SCARF1: variants seen among roughly 807,000 people sequenced by gnomAD.
SCARF1 encodes the protein scavenger receptor class F member 1, also known as acetyl LDL receptor.
A neutral mutation model predicts 76.3 loss-of-function variants in SCARF1; 49 were observed. The ratio of observed to expected loss-of-function variants is 0.64; its 90% confidence interval spans 0.51 to 0.81. The LOEUF is 0.81. SCARF1 is among the 40% of genes least tolerant of loss of function. The probability of loss-of-function intolerance (pLI) is 0.00; values close to 1 mark genes in which losing one functional copy is unlikely to be tolerated. For missense variants in SCARF1, 1,098 were observed against 1,143.9 expected, an observed-to-expected ratio of 0.96 and a Z score of 0.58; for synonymous variants, 495 against 474.6, an observed-to-expected ratio of 1.04 and a Z score of -0.56.
chr17:1,639,716 A>T lies in SCARF1; in HGVS notation c.1166T>A (p.Phe389Tyr), dbSNP rs748983281. The T allele has an allele frequency of 5.6e-6, 9 of 1,597,292 alleles. No homozygotes were observed. The highest frequency in any genetic ancestry group is 7.7e-6 in the Non-Finnish European group (9 of 1,172,438). Residue 389 changes from phenylalanine (F) to tyrosine (Y), a missense_variant, in exon 7 of 11, where the codon TTC becomes TAC. By Grantham distance (22) the Phe-to-Tyr change is conservative. Transcript: ENST00000263071. ...AGGAACTGAGCAGTTGTTTCCATGGAAACCGGCTGGGCAGGAGGCGTTGCA... is the reference window on the plus strand; with the variant it reads ...AGGAACTGAGCAGTTGTTTCCATGGTAACCGGCTGGGCAGGAGGCGTTGCA... ...PSCNASCPAG[F>Y]HGNNCSVPCE...
chr17:1,643,563 C>G lies in SCARF1; in HGVS notation c.670G>C (p.Glu224Gln), dbSNP rs1383052199. The change falls in exon 4 of 11, where the codon GAG becomes CAG. Residue 224 changes from glutamate to glutamine, a missense_variant. Transcript: ENST00000263071. ...GCGCTGCAGCGGCCCCGCACACACT[C>G]GCACTGCTGCTGGCATTCGGGACCC... Reference protein sequence around the residue: ...WWGPECQQQCECVRGRCSAAS... With the variant: ...WWGPECQQQCQCVRGRCSAAS... 3 of 1,472,150 alleles carry G rather than the reference C, an allele frequency of 2.0e-6. No homozygotes were observed. The highest frequency in any genetic ancestry group is 4.8e-5 in the Admixed American group (2 of 41,696). The allele number at this position is 1,472,150 out of a possible 1,614,324, so 91.2% of individuals were successfully genotyped here. A position where few individuals can be genotyped will look rare whatever the true frequency, so the allele number is the denominator to read the frequency against.
At position 1,645,346 on chromosome 17, in the gene SCARF1, C is replaced by T. The variant is rs986162307; in HGVS notation, c.102-107G>A. Reference sequence around the variant, plus strand: ...CAGTGGGGGAGGCTGCCTTAGCCCCCTGGGGAGGCCTAATGGATCTTTACA... The same window carrying T: ...CAGTGGGGGAGGCTGCCTTAGCCCCTTGGGGAGGCCTAATGGATCTTTACA... On this transcript the variant is annotated intron_variant, in intron 1 of 10. Transcript: ENST00000263071. This position sits in a 1 kb window ranked among gnomAD's most constrained non-coding sequence, Gnocchi z 6.3. 1.7e-5 allele frequency: 25 copies of T among 1,455,744 alleles called. No individual in the cohort carries two copies. The highest frequency in any genetic ancestry group is 3.6e-5 in the South Asian group (3 of 82,218). 90.2% of individuals were successfully genotyped at this position (1,455,744 alleles called of 1,614,324 possible).
chr17:1,643,519 G>T lies in SCARF1; in HGVS notation c.714C>A (p.Thr238=). 1 of 1,382,664 alleles carries T rather than the reference G, an allele frequency of 7.2e-7. No individual in the cohort carries two copies. The highest frequency in any genetic ancestry group is 9.3e-7 in the Non-Finnish European group (1 of 1,072,610). 85.6% of individuals were successfully genotyped at this position (1,382,664 alleles called of 1,614,324 possible). A position where few individuals can be genotyped will look rare whatever the true frequency, so the allele number is the denominator to read the frequency against. ...GRCSAASGEC[T]CPPGFRGARC... is the part of the protein sequence containing the mutation. ...GCGCTCCGCGGAAGCCGGGCGGGCA[G>T]GTGCACTCGCCGGAGGCGGCGCTGC... The change falls in exon 4 of 11, where the codon ACC becomes ACA. Residue 238 remains threonine (T), a synonymous_variant. Transcript: ENST00000263071.
Position 1,640,144 on chromosome 17 carries a change from T to C in SCARF1, c.1011-104A>G. The stretch of plus-strand genomic sequence containing the variant: ...ACGCTCCTGGACTCAAGGACCCAAC[T>C]GGCCACTCCTCAGCAGTGAAGCTCA... On this transcript the variant is annotated intron_variant, in intron 5 of 10. Coordinates refer to ENST00000263071, the MANE Select transcript of SCARF1 (RefSeq NM_003693.4). The surrounding 1 kb of genome is among the most constrained non-coding windows in gnomAD (Gnocchi z 4.7). 1.5e-6 allele frequency: 2 copies of C among 1,369,806 alleles called. No homozygotes were observed. Among genetic ancestry groups the C allele is most frequent in the Non-Finnish European group, 1.0e-6 (1 of 1,003,470 alleles). 84.9% of individuals were successfully genotyped at this position (1,369,806 alleles called of 1,614,324 possible). A position where few individuals can be genotyped will look rare whatever the true frequency, so the allele number is the denominator to read the frequency against.
At position 1,643,584 on chromosome 17, in the gene SCARF1, G is replaced by T; in HGVS notation, c.649C>A (p.Pro217Thr). 6.8e-7 allele frequency: 1 copy of T among 1,473,864 alleles called. No individual in the cohort carries two copies. Among genetic ancestry groups the T allele is most frequent in the South Asian group, 1.3e-5 (1 of 78,448 alleles). The allele number at this position is 1,473,864 out of a possible 1,614,324, so 91.3% of individuals were successfully genotyped here. A position where few individuals can be genotyped will look rare whatever the true frequency, so the allele number is the denominator to read the frequency against. ...RCACRPGWWG[P>T]ECQQQCECVR... ...CACTCGCACTGCTGCTGGCATTCGG[G>T]ACCCCACCAGCCCGGCCGGCAGGCG... is the stretch of plus-strand genomic sequence containing the variant. The change falls in exon 4 of 11, where the codon CCC becomes ACC. Residue 217 changes from proline (P) to threonine (T), a missense_variant. Coordinates refer to ENST00000263071, the MANE Select transcript of SCARF1 (RefSeq NM_003693.4).
intron 7 of SCARF1, 129 bp downstream of exon 7, chr17:1,639,508 GGA>G: frequency 3.2e-6 from 2 of 631,360 alleles, no homozygotes. Flanking sequence ...TCGTCTTAAG[GGA>G]AAAAAAAAAA....
At position 1,640,334 on chromosome 17, in the gene SCARF1, C is replaced by G. The variant is rs1213335274; in HGVS notation, c.1010+114G>C. The G allele has an allele frequency of 1.4e-5, 15 of 1,047,692 alleles. No homozygotes were observed. Among genetic ancestry groups the G allele is most frequent in the Non-Finnish European group, 1.4e-6 (1 of 722,364 alleles). 64.9% of individuals were successfully genotyped at this position (1,047,692 alleles called of 1,614,324 possible). ...CCCCAGTCTTCAACAGGAGGGAGGC[C>G]CCTGGGGCCGCATGAACCTGTGTGT... On this transcript the variant is annotated intron_variant, in intron 5 of 10. Coordinates refer to ENST00000263071, the MANE Select transcript of SCARF1 (RefSeq NM_003693.4). The surrounding 1 kb of genome is among the most constrained non-coding windows in gnomAD (Gnocchi z 4.7).
chr17:1,642,188 T>A (rs574716730), intron 4 of SCARF1, among the ~76,000 whole-genome samples: 213 of 151,460 alleles, frequency 1.4e-3, no homozygotes, highest in African/African-American at 4.0e-3. Flanking sequence ...TTATATATAT[T>A]TTTTTATTAT....
In SCARF1 at chr17:1,635,231, C is replaced by T. The variant is rs779688884; in HGVS notation, c.2020G>A (p.Val674Met). ...PLGGRTVAEH[V>M]EAIEGSVQES... ...TGGACGCTGCCCTCAATGGCTTCCA[C>T]GTGCTCAGCCACTGTCCGGCCACCA... Residue 674 changes from valine to methionine, a missense_variant, in exon 11 of 11, where the codon GTG (valine) becomes ATG (methionine). Coordinates refer to ENST00000263071, the MANE Select transcript of SCARF1 (RefSeq NM_003693.4). 1.9e-6 allele frequency: 3 copies of T among 1,612,236 alleles called. No individual in the cohort carries two copies. The highest frequency in any genetic ancestry group is 1.3e-5 in the African/African-American group (1 of 74,930).
Position 1,643,515 on chromosome 17 carries a change from G to C in SCARF1, c.718C>G (p.Pro240Ala), listed in dbSNP as rs917379871. The C allele has an allele frequency of 1.3e-5, 18 of 1,371,042 alleles. No individual in the cohort carries two copies. In the East Asian group the frequency reaches 3.4e-4, roughly 26 times the overall value. The allele number at this position is 1,371,042 out of a possible 1,614,324, so 84.9% of individuals were successfully genotyped here. The change falls in exon 4 of 11, where the codon CCG (proline) becomes GCG (alanine). Residue 240 changes from proline (P) to alanine (A), a missense_variant. Pro to Ala is a conservative substitution (Grantham distance 27). Transcript: ENST00000263071. ...CSAASGECTCPPGFRGARCEL... is the reference protein window; with the variant it reads ...CSAASGECTCAPGFRGARCEL... ...CAGCGCGCTCCGCGGAAGCCGGGCG[G>C]GCAGGTGCACTCGCCGGAGGCGGCG...
At chr17:1,639,039 T>C in intron 7 of SCARF1, 113 bp from the exon 8 acceptor site, 2 of 1,161,120 alleles carry the variant, frequency 1.7e-6, no homozygotes, top group East Asian at 2.6e-5. Flanking sequence ...ACTCCCTGCC[T>C]CCGGGCAGCC....
In SCARF1 at chr17:1,635,440, C is replaced by T. The variant is rs763980515; in HGVS notation, c.1811G>A (p.Arg604Gln). ...CGGGCTGGAGAGCTCCCCTGAGCTT[C>T]GGCGACTCTGTGGTGCAAACTTGGT... ...EGTKFAPQSR[R>Q]SSGELSSPLR... Residue 604 changes from arginine (R) to glutamine (Q), a missense_variant, in exon 11 of 11, where the codon CGA becomes CAA. Physicochemically the swap from Arg to Gln is conservative, Grantham distance 43 (BLOSUM62 1). Coordinates refer to ENST00000263071, the MANE Select transcript of SCARF1 (RefSeq NM_003693.4). 8.7e-6 allele frequency: 14 copies of T among 1,614,058 alleles called. No individual in the cohort carries two copies. The highest frequency in any genetic ancestry group is 1.6e-4 in the Middle Eastern group (1 of 6,062).
chr17:1,639,932 A>C lies in SCARF1; in HGVS notation c.1119T>G (p.Ser373Arg). The C allele has an allele frequency of 6.2e-7, 1 of 1,613,864 alleles. No homozygotes were observed. Among genetic ancestry groups the C allele is most frequent in the Non-Finnish European group, 8.5e-7 (1 of 1,179,910 alleles). ...CTTACCTGGGCCCCCAGTAGCCGGC[A>C]CTGCAGACACAGTCCCCTGTCACAG... ...CDTVTGDCVC[S>R]AGYWGPSCNA... Residue 373 changes from serine (S) to arginine (R), a missense_variant, in exon 6 of 11, where the codon AGT becomes AGG. Physicochemically the swap from Ser to Arg is moderately radical, Grantham distance 110 (BLOSUM62 -1). Transcript: ENST00000263071.
chr17:1,638,782 G>GTCCCCAC (rs1909796473), intron 8 of SCARF1, 24 bp downstream of exon 8: 1 of 1,592,114 alleles, frequency 6.3e-7, no homozygotes, highest in Non-Finnish European at 8.6e-7. Context: ...GAGCTGTGTG[G>GTCCCCAC]GGAAGGGACG....
At chr17:1,638,691 T>G in intron 8 of SCARF1, 115 bp downstream of exon 8, 1 of 949,696 alleles carries the variant, frequency 1.1e-6, no homozygotes. Context: ...CCCCATCACC[T>G]CTGACCCACG....
intron 8 of SCARF1, 137 bp downstream of exon 8, chr17:1,638,669 A>G: frequency 3.3e-5 from 33 of 991,938 alleles, no homozygotes; most frequent in Non-Finnish European, 4.3e-5. Context: ...CGACAAGGCC[A>G]GCCCTCCCCA....
chr17:1,641,051 T>C (rs867885834), intron 4 of SCARF1, among the ~76,000 whole-genome samples: 2 of 152,164 alleles, frequency 1.3e-5, no homozygotes, highest in South Asian at 2.1e-4. Flanking sequence ...AGGTCTGGCA[T>C]GAATGGGACT....
Position 1,645,019 on chromosome 17 carries a change from C to T in SCARF1, c.164-84G>A. 1 of 1,539,142 alleles carries T rather than the reference C, an allele frequency of 6.5e-7. No individual in the cohort carries two copies. Among genetic ancestry groups the T allele is most frequent in the Non-Finnish European group, 8.9e-7 (1 of 1,126,188 alleles). The stretch of plus-strand genomic sequence containing the variant: ...CCTCTCACTGGCTCCAGGGGCCATG[C>T]CTCCTCAAGAGGTGCCCCTTCAGGC... On this transcript the variant is annotated intron_variant, in intron 2 of 10. Transcript: ENST00000263071. This position sits in a 1 kb window ranked among gnomAD's most constrained non-coding sequence, Gnocchi z 6.3.
intron 10 of SCARF1, among the ~76,000 whole-genome samples, chr17:1,636,485 C>T (rs1256034523): frequency 2.6e-5 from 4 of 152,116 alleles, no homozygotes; most frequent in East Asian, 1.9e-4. Context: ...TGGTGGTGCA[C>T]GCCTGTAATC....
Sources: allele counts gnomAD v4.1 joint callset (sites outside exome capture counted in the v4.1 genomes callset), GRCh38; gene constraint gnomAD v4.1.1; non-coding constraint Gnocchi (gnomAD v3.1); transcripts MANE v1.5; gene names NCBI Gene and HGNC (gene_info 2026-07-23, HGNC 2026-07-21).